Variants in PIGK observed in about 807,000 individuals in gnomAD.
PIGK encodes the protein phosphatidylinositol glycan anchor biosynthesis class K.
Under a neutral mutation model 50.6 loss-of-function variants are expected in PIGK, and 42 were observed. The observed-to-expected ratio is 0.83, with a 90% CI of 0.65 to 1.07. The LOEUF (loss-of-function observed/expected upper bound fraction) is 1.07, where lower values mean the gene tolerates loss of function less well. PIGK is among the 50% of genes least tolerant of loss of function. PIGK has a pLI of 0.00. For missense variants in PIGK, 448 were observed against 488.7 expected (o/e 0.92, Z 0.78); for synonymous variants, 151 against 156.0 (o/e 0.97, Z 0.24).
intron 3 of PIGK, among the ~76,000 whole-genome samples, chr1:77,193,922 T>G (rs1410552345): frequency 1.3e-5 from 2 of 152,168 alleles, no homozygotes; most frequent in Non-Finnish European, 2.9e-5. Flanking sequence ...GGAGAAAATG[T>G]CTGCAAACTA....
In PIGK at chr1:77,167,748, CAAAATAA is replaced by C. The variant is rs572228502; in HGVS notation, c.376-925_376-919del. 8.5e-4 allele frequency among the ~76,000 whole-genome samples: 129 copies of C among 152,152 alleles called. 2 individuals are homozygous for C. The East Asian group carries it at 0.013, about 15-fold the overall frequency. On this transcript the variant is annotated intron_variant, in intron 4 of 10. Coordinates refer to ENST00000370812, the MANE Select transcript of PIGK (RefSeq NM_005482.3). Reference sequence around the variant, plus strand: ...TGACAGAGCAAGACTCCAGCTCTAGCAAAATAAAAAATAAAAATTATTAATCCCTCTG... The same window carrying C: ...TGACAGAGCAAGACTCCAGCTCTAGCAAAATAAAAATTATTAATCCCTCTG...
At chr1:77,159,156 T>A (rs953942560) in intron 8 of PIGK, among the ~76,000 whole-genome samples, 3 of 152,134 alleles carry the variant, frequency 2.0e-5, no homozygotes, top group African/African-American at 7.2e-5. Flanking sequence ...GTGGCTAAAA[T>A]GGGCCAAAGT....
intron 3 of PIGK, among the ~76,000 whole-genome samples, chr1:77,196,266 T>C (rs1656034041): frequency 6.6e-6 from 1 of 150,976 alleles, no homozygotes; most frequent in Admixed American, 6.6e-5. Flanking sequence ...TCTTTGCTAT[T>C]GTAAACAGTG....
intron 3 of PIGK, among the ~76,000 whole-genome samples, chr1:77,187,281 C>T (rs1655772081): frequency 6.6e-6 from 1 of 152,142 alleles, no homozygotes; most frequent in South Asian, 2.1e-4. Context: ...ATATATGGTA[C>T]TGTTTCTCCC....
intron 3 of PIGK, among the ~76,000 whole-genome samples, chr1:77,187,025 A>C (rs905151855): frequency 2.0e-5 from 3 of 152,156 alleles, no homozygotes; most frequent in Non-Finnish European, 4.4e-5. Flanking sequence ...GTGGCCTCAC[A>C]AATGCCTTAT....
At chr1:77,132,908 A>T (rs1309859579) in intron 9 of PIGK, among the ~76,000 whole-genome samples, 2 of 152,088 alleles carry the variant, frequency 1.3e-5, no homozygotes, top group Non-Finnish European at 1.5e-5. Context: ...AGTATTAAAG[A>T]TAATGTCAGG....
chr1:77,161,991 C>G (rs772398451), intron 6 of PIGK, among the ~76,000 whole-genome samples: 2 of 152,116 alleles, frequency 1.3e-5, no homozygotes, highest in Non-Finnish European at 1.5e-5. Flanking sequence ...AATGAATATT[C>G]CATTCAACAA....
chr1:77,109,275 C>T (rs867387184), intron 10 of PIGK, among the ~76,000 whole-genome samples: 82 of 152,288 alleles, frequency 5.4e-4, no homozygotes, highest in African/African-American at 1.8e-3. Flanking sequence ...CAGCATCATC[C>T]TGATACCAAA....
chr1:77,170,504 C>T (rs1187702604), intron 3 of PIGK, among the ~76,000 whole-genome samples: 42 of 152,240 alleles, frequency 2.8e-4, no homozygotes, highest in Non-Finnish European at 1.5e-5. Flanking sequence ...CTGAAATCCC[C>T]ATCATCTCCT....
intron 3 of PIGK, among the ~76,000 whole-genome samples, chr1:77,177,484 C>T (rs1041606079): frequency 1.3e-5 from 2 of 152,244 alleles, no homozygotes; most frequent in African/African-American, 4.8e-5. Flanking sequence ...CTAGCCAAAG[C>T]CCATCCCTTT....
intron 3 of PIGK, among the ~76,000 whole-genome samples, chr1:77,182,981 C>A (rs751967201): frequency 6.6e-6 from 1 of 152,168 alleles, no homozygotes; most frequent in Non-Finnish European, 1.5e-5. Context: ...CTCAGGGATT[C>A]TGTCTCCCGG....
intron 2 of PIGK, among the ~76,000 whole-genome samples, chr1:77,209,298 T>G (rs1377646419): frequency 6.6e-6 from 1 of 152,130 alleles, no homozygotes; most frequent in East Asian, 1.9e-4. Flanking sequence ...TTTGATTATG[T>G]GAATTCTGTT....
At chr1:77,181,120 G>C (rs979214752) in intron 3 of PIGK, among the ~76,000 whole-genome samples, 2 of 151,986 alleles carry the variant, frequency 1.3e-5, no homozygotes, top group Non-Finnish European at 2.9e-5. Flanking sequence ...AAAAAAAGTA[G>C]TCAGGAAGCC....
chr1:77,117,944 A>G (rs1195816439), intron 10 of PIGK, among the ~76,000 whole-genome samples: 1 of 152,208 alleles, frequency 6.6e-6, no homozygotes, highest in African/African-American at 2.4e-5. Flanking sequence ...CTCCTCCAGT[A>G]GTATCACTGC....
chr1:77,139,753 A>C (rs1320657524), intron 9 of PIGK, among the ~76,000 whole-genome samples: 1 of 152,222 alleles, frequency 6.6e-6, no homozygotes, highest in East Asian at 1.9e-4. Flanking sequence ...GCATTTAAAA[A>C]GATCTTTTTA....
chr1:77,200,420 C>T (rs905610283), intron 3 of PIGK, among the ~76,000 whole-genome samples: 1 of 152,030 alleles, frequency 6.6e-6, no homozygotes, highest in East Asian at 1.9e-4. Context: ...TTTTTGCACA[C>T]CCCCTAGTCA....
chr1:77,093,440 G>A (rs1228013390), intron 10 of PIGK, among the ~76,000 whole-genome samples: 2 of 152,114 alleles, frequency 1.3e-5, no homozygotes, highest in Non-Finnish European at 2.9e-5. Flanking sequence ...TGACAGTTAT[G>A]ATATTAGAAT....
intron 3 of PIGK, chr1:77,194,704 G>A (rs955073324): frequency 6.1e-5 from 19 of 313,892 alleles, no homozygotes; most frequent in Middle Eastern, 1.1e-3. Context: ...TATTATCTGT[G>A]TGACAAAACA....
In PIGK at chr1:77,202,393, T is replaced by C. The variant is rs184899288; in HGVS notation, c.239+4247A>G. Among the ~76,000 whole-genome samples, 54 of 152,296 alleles carry C rather than the reference T, an allele frequency of 3.5e-4. No individual in the cohort carries two copies. In the East Asian group the frequency reaches 9.3e-3, roughly 26 times the overall value. The stretch of plus-strand genomic sequence containing the variant: ...GACCCAGAAAGCTTTAGGGAATTCA[T>C]GGATTGAATCTGGACATCAGAAAAC... On this transcript the variant is annotated intron_variant, in intron 3 of 10. Coordinates refer to ENST00000370812, the MANE Select transcript of PIGK (RefSeq NM_005482.3).
Sources: gnomAD v4.1 joint callset for allele counts (sites outside exome capture counted in the v4.1 genomes callset) on GRCh38, gnomAD v4.1.1 for gene constraint, MANE v1.5 for transcripts, NCBI Gene and HGNC (gene_info 2026-07-23, HGNC 2026-07-21) for gene names.